Variants in HS6ST3 observed in about 807,000 individuals in gnomAD.
The protein encoded by HS6ST3 is heparan-sulfate 6-O-sulfotransferase 3.
HS6ST3 carries 12 observed loss-of-function variants against 36.7 expected under a neutral mutation model. The ratio of observed to expected loss-of-function variants is 0.33; its 90% confidence interval spans 0.21 to 0.53. The LOEUF (loss-of-function observed/expected upper bound fraction) is 0.53, where lower values mean the gene tolerates loss of function less well. HS6ST3 is among the 20% of genes least tolerant of loss of function. HS6ST3 has a pLI of 0.95. For synonymous variants in HS6ST3, 240 were observed against 257.5 expected (o/e 0.93, Z 0.65); for missense variants, 584 against 640.9 (o/e 0.91, Z 0.96).
At chr13:96,335,029 C>G (rs1371848869) in intron 1 of HS6ST3, among the ~76,000 whole-genome samples, 1 of 152,174 alleles carries the variant, frequency 6.6e-6, no homozygotes, top group Admixed American at 6.5e-5. Flanking sequence ...TCTTCCAAAA[C>G]TTGTGTACAA....
chr13:96,747,339 G>A (rs1266888063), intron 1 of HS6ST3, among the ~76,000 whole-genome samples: 1 of 152,068 alleles, frequency 6.6e-6, no homozygotes, highest in Admixed American at 6.6e-5. Flanking sequence ...TGGCGGGATT[G>A]GAATGATATG....
chr13:96,201,881 G>C (rs1044017597), intron 1 of HS6ST3, among the ~76,000 whole-genome samples: 1 of 152,136 alleles, frequency 6.6e-6, no homozygotes, highest in Admixed American at 6.6e-5. Context: ...TATCCTGTAT[G>C]TGTGTGTATA....
chr13:96,178,585 CT>C (rs1336412847), intron 1 of HS6ST3, among the ~76,000 whole-genome samples: 2 of 151,876 alleles, frequency 1.3e-5, no homozygotes, highest in African/African-American at 4.8e-5. Context: ...GAGAAGTGTT[CT>C]TAAAAAAGCC....
Position 96,277,109 on chromosome 13 carries a change from G to A in HS6ST3, c.707+185540G>A, listed in dbSNP as rs141595761. Among the ~76,000 whole-genome samples, 35 of 152,298 alleles carry A rather than the reference G, an allele frequency of 2.3e-4. No homozygotes were observed. The East Asian group carries it at 4.4e-3, about 19-fold the overall frequency. The stretch of plus-strand genomic sequence containing the variant: ...GACAGATTCCACCACTCTTGCCAAA[G>A]TCCCTGTTTGGACATATTCAAAAAT... On this transcript the variant is annotated intron_variant, in intron 1 of 1. Transcript: ENST00000376705.
chr13:96,461,234 G>T (rs944883611), intron 1 of HS6ST3, among the ~76,000 whole-genome samples: 1 of 152,176 alleles, frequency 6.6e-6, no homozygotes, highest in Non-Finnish European at 1.5e-5. Flanking sequence ...TGTGCCAGAC[G>T]TTGGGAATGA....
intron 1 of HS6ST3, among the ~76,000 whole-genome samples, chr13:96,567,326 T>C (rs1400694224): frequency 6.6e-6 from 1 of 152,062 alleles, no homozygotes; most frequent in African/African-American, 2.4e-5. Flanking sequence ...TAAGCATAAA[T>C]AGAAAATAAT....
chr13:96,464,248 C>T (rs958591457), intron 1 of HS6ST3, among the ~76,000 whole-genome samples: 2 of 151,248 alleles, frequency 1.3e-5, no homozygotes, highest in Non-Finnish European at 1.5e-5. Context: ...TACCCCCCTA[C>T]CCAGTTCCTG....
At chr13:96,196,871 G>C (rs1407532596) in intron 1 of HS6ST3, among the ~76,000 whole-genome samples, 1 of 152,202 alleles carries the variant, frequency 6.6e-6, no homozygotes, top group African/African-American at 2.4e-5. Flanking sequence ...TGCATCCATG[G>C]CATCTGCTGA....
intron 1 of HS6ST3, among the ~76,000 whole-genome samples, chr13:96,664,241 G>A (rs963527629): frequency 1.3e-5 from 2 of 152,166 alleles, no homozygotes; most frequent in Non-Finnish European, 2.9e-5. Context: ...CATGCATGCT[G>A]TGTGTATGTA....
At chr13:96,711,855 G>A (rs191783917) in intron 1 of HS6ST3, among the ~76,000 whole-genome samples, 21 of 152,150 alleles carry the variant, frequency 1.4e-4, no homozygotes, top group East Asian at 1.9e-4. Flanking sequence ...TCTACATTGC[G>A]GCTTTATAAT....
At chr13:96,145,410 A>G (rs2054052663) in intron 1 of HS6ST3, among the ~76,000 whole-genome samples, 2 of 151,780 alleles carry the variant, frequency 1.3e-5, no homozygotes, top group African/African-American at 2.4e-5. Context: ...GCCAGTGATG[A>G]TGAGCATTTT....
At chr13:96,145,388 A>G (rs2054052559) in intron 1 of HS6ST3, among the ~76,000 whole-genome samples, 1 of 151,142 alleles carries the variant, frequency 6.6e-6, no homozygotes, top group Non-Finnish European at 1.5e-5. Flanking sequence ...TTTGATTTGC[A>G]TTTCTCTGAT....
At chr13:96,569,033 G>T (rs1420091480) in intron 1 of HS6ST3, among the ~76,000 whole-genome samples, 1 of 152,154 alleles carries the variant, frequency 6.6e-6, no homozygotes, top group African/African-American at 2.4e-5. Flanking sequence ...TATCTTCATG[G>T]AAAGAATGTC....
intron 1 of HS6ST3, among the ~76,000 whole-genome samples, chr13:96,107,913 C>T (rs948748349): frequency 7.9e-5 from 12 of 152,058 alleles, no homozygotes; most frequent in Non-Finnish European, 1.3e-4. Flanking sequence ...TGCCTCAGGA[C>T]CCTGTGATGA....
intron 1 of HS6ST3, among the ~76,000 whole-genome samples, chr13:96,747,054 G>A (rs1257597067): frequency 6.6e-6 from 1 of 151,922 alleles, no homozygotes; most frequent in Non-Finnish European, 1.5e-5. Context: ...CCTACCATCT[G>A]TCTTGATTCT....
intron 1 of HS6ST3, among the ~76,000 whole-genome samples, chr13:96,477,416 A>G (rs1180124598): frequency 6.6e-6 from 1 of 152,188 alleles, no homozygotes; most frequent in African/African-American, 2.4e-5. Context: ...CACTAGTGAG[A>G]TTTTATGTTC....
chr13:96,787,061 CTG>C (rs970406269), intron 1 of HS6ST3, among the ~76,000 whole-genome samples: 15 of 152,096 alleles, frequency 9.9e-5, no homozygotes, highest in Non-Finnish European at 1.5e-5. Context: ...CTTAATTGTT[CTG>C]TGTTATTAAT....
chr13:96,639,262 C>T (rs889495749), intron 1 of HS6ST3, among the ~76,000 whole-genome samples: 1 of 151,922 alleles, frequency 6.6e-6, no homozygotes, highest in Non-Finnish European at 1.5e-5. Context: ...AAATTGGACA[C>T]TTTTATCAGT....
chr13:96,091,178 G>A lies in HS6ST3; in HGVS notation c.316G>A (p.Glu106Lys). ...GDPREGEEEE[E>K]EDEPDPEAPE... ...CCCCCGGGAGGGGGAGGAAGAGGAG[G>A]AGGAAGACGAGCCGGACCCCGAGGC... Residue 106 changes from glutamate to lysine, a missense_variant, in exon 1 of 2, where the codon GAG becomes AAG. Glu to Lys is a moderately conservative substitution (Grantham distance 56, BLOSUM62 1). Transcript: ENST00000376705. 6.4e-7 allele frequency: 1 copy of A among 1,550,892 alleles called. No individual in the cohort carries two copies. The highest frequency in any genetic ancestry group is 1.4e-5 in the African/African-American group (1 of 73,122).
Sources: allele counts gnomAD v4.1 joint callset (sites outside exome capture counted in the v4.1 genomes callset), GRCh38; gene constraint gnomAD v4.1.1; transcripts MANE v1.5; gene names NCBI Gene and HGNC (gene_info 2026-07-23, HGNC 2026-07-21).